USH2A: variants seen among roughly 807,000 people sequenced by gnomAD.
USH2A encodes Usher syndrome 2A (autosomal recessive, mild).
In USH2A, 443 loss-of-function variants were observed where a neutral mutation model predicts 538.9. The ratio of observed to expected loss-of-function variants is 0.82; its 90% CI spans 0.76 to 0.89. USH2A has a LOEUF of 0.89. Ranked by LOEUF, USH2A falls within the 40% of genes least tolerant of loss-of-function variation. The pLI is 0.00. For missense variants in USH2A, 6,633 were observed against 6,324.8 expected, an observed-to-expected ratio of 1.05 and a Z score of -1.65; for synonymous variants, 2,413 against 2,273.5, an observed-to-expected ratio of 1.06 and a Z score of -1.75.
intron 21 of USH2A, among the ~76,000 whole-genome samples, chr1:216,126,019 T>C (rs1226102903): frequency 6.6e-6 from 1 of 152,228 alleles, no homozygotes; most frequent in Non-Finnish European, 1.5e-5. Context: ...TTCAAAAATG[T>C]GTTTTAATGC....
At position 216,196,659 on chromosome 1, in the gene USH2A, C is replaced by T. The variant is rs1238915956; in HGVS notation, c.4145G>A (p.Trp1382Ter). 6.2e-7 allele frequency: 1 copy of T among 1,613,486 alleles called. No homozygotes were observed. The highest frequency in any genetic ancestry group is 1.1e-5 in the South Asian group (1 of 91,060). ...TGTAACATTATCTGCTGGCTTCTCC[C>T]AGGAGATATTGAGAGAGTACGAAGA... is the stretch of plus-strand genomic sequence containing the variant. ...PLSSYSLNIS[W>*]EKPADNVTRG... Residue 1382 changes from tryptophan to a stop codon, truncating the protein, a stop_gained, in exon 19 of 72, where the codon TGG (tryptophan) becomes TAG (stop). Coordinates refer to ENST00000307340, the MANE Select transcript of USH2A (RefSeq NM_206933.4). LOFTEE classifies it high-confidence loss of function.
At chr1:216,421,821 T>G in intron 2 of USH2A, 31 bp downstream of exon 2, 1 of 1,613,750 alleles carries the variant, frequency 6.2e-7, no homozygotes, top group Non-Finnish European at 8.5e-7. Flanking sequence ...TTTGGGGACC[T>G]ATGAAAGCTT....
chr1:215,853,152 C>G (rs1217917600), intron 44 of USH2A, among the ~76,000 whole-genome samples: 1 of 152,192 alleles, frequency 6.6e-6, no homozygotes, highest in Non-Finnish European at 1.5e-5. Flanking sequence ...TCCATACATA[C>G]TTTAAAATCT....
chr1:216,134,341 A>G (rs540443402), intron 21 of USH2A, among the ~76,000 whole-genome samples: 1 of 152,236 alleles, frequency 6.6e-6, no homozygotes, highest in Non-Finnish European at 1.5e-5. Flanking sequence ...CCCAATACAC[A>G]TGGTGAAGAC....
chr1:215,641,737 C>A (rs962501570), intron 67 of USH2A, among the ~76,000 whole-genome samples: 117 of 152,214 alleles, frequency 7.7e-4, no homozygotes, highest in Middle Eastern at 3.4e-3. Context: ...CTTTAAAAAT[C>A]AATCCATCTA....
intron 21 of USH2A, among the ~76,000 whole-genome samples, chr1:216,146,737 A>G (rs1216810604): frequency 6.6e-6 from 1 of 152,064 alleles, no homozygotes; most frequent in Non-Finnish European, 1.5e-5. Context: ...CTGGAGGGCA[A>G]GAACCCCACT....
intron 11 of USH2A, among the ~76,000 whole-genome samples, chr1:216,256,873 C>A (rs1384668333): frequency 7.2e-5 from 11 of 152,046 alleles, no homozygotes; most frequent in African/African-American, 2.6e-4. Context: ...TTTGGAGAGT[C>A]AAAATTAAAC....
At chr1:216,057,266 T>C (rs1298142075) in intron 30 of USH2A, among the ~76,000 whole-genome samples, 1 of 152,240 alleles carries the variant, frequency 6.6e-6, no homozygotes, top group Non-Finnish European at 1.5e-5. Context: ...GAAATCTTTC[T>C]ACATTAGCTA....
intron 32 of USH2A, among the ~76,000 whole-genome samples, chr1:216,001,192 G>A (rs1339025611): frequency 6.6e-6 from 1 of 152,100 alleles, no homozygotes; most frequent in Admixed American, 6.6e-5. Context: ...ACTGTGTCAT[G>A]ACTATATGAT....
intron 3 of USH2A, among the ~76,000 whole-genome samples, chr1:216,386,203 A>T (rs2039000958): frequency 6.6e-6 from 1 of 152,284 alleles, no homozygotes; most frequent in East Asian, 1.9e-4. Flanking sequence ...TATTAAAAAG[A>T]ATAGTCATTT....
chr1:215,711,948 C>G (rs1659348022), intron 61 of USH2A, among the ~76,000 whole-genome samples: 1 of 152,164 alleles, frequency 6.6e-6, no homozygotes, highest in Non-Finnish European at 1.5e-5. Flanking sequence ...CCACAGGGAC[C>G]TGGATACACA....
intron 21 of USH2A, among the ~76,000 whole-genome samples, chr1:216,148,582 C>G (rs867933288): frequency 2.6e-5 from 4 of 151,752 alleles, no homozygotes; most frequent in Non-Finnish European, 5.9e-5. Flanking sequence ...CTGTTATCAC[C>G]CGCCTGCTAC....
chr1:216,162,247 C>G (rs2034073336), intron 21 of USH2A, among the ~76,000 whole-genome samples: 1 of 151,868 alleles, frequency 6.6e-6, no homozygotes, highest in South Asian at 2.1e-4. Context: ...CCGTTGAGTT[C>G]TCTAATCTTG....
chr1:215,898,613 C>T (rs899427263), intron 40 of USH2A, among the ~76,000 whole-genome samples: 2 of 152,124 alleles, frequency 1.3e-5, no homozygotes, highest in African/African-American at 4.8e-5. Context: ...TCCCTTCTTC[C>T]AAGCATTCTA....
chr1:215,983,763 A>ACAAAGATGG (rs1466928958), intron 35 of USH2A, among the ~76,000 whole-genome samples: 1 of 152,208 alleles, frequency 6.6e-6, no homozygotes, highest in African/African-American at 2.4e-5. Context: ...ACTCCTATTT[A>ACAAAGATGG]CAAAGATGCG....
chr1:216,218,862 T>C (rs1442384514), intron 14 of USH2A, among the ~76,000 whole-genome samples: 1 of 152,110 alleles, frequency 6.6e-6, no homozygotes, highest in African/African-American at 2.4e-5. Context: ...TAAAATGGAA[T>C]TATAGATGCA....
chr1:215,900,059 T>C lies in USH2A; in HGVS notation c.7594+16A>G, dbSNP rs1470171401. The C allele has an allele frequency of 6.2e-7, 1 of 1,613,400 alleles. No individual in the cohort carries two copies. Among genetic ancestry groups the C allele is most frequent in the African/African-American group, 1.3e-5 (1 of 74,866 alleles). On this transcript the variant is annotated intron_variant, in intron 40 of 71. Coordinates refer to ENST00000307340, the MANE Select transcript of USH2A (RefSeq NM_206933.4). Reference sequence around the variant, plus strand: ...ATGTAGAAGACATTTGGCTGTGTATTGTTCAGACCACTTACTGTCCTCTGC... The same window carrying C: ...ATGTAGAAGACATTTGGCTGTGTATCGTTCAGACCACTTACTGTCCTCTGC...
At chr1:216,063,869 A>G (rs2031262546) in intron 30 of USH2A, among the ~76,000 whole-genome samples, 1 of 152,232 alleles carries the variant, frequency 6.6e-6, no homozygotes, top group African/African-American at 2.4e-5. Flanking sequence ...ATTTCTGGTC[A>G]CAAAACATCA....
Position 216,051,222 on chromosome 1 carries a change from G to A in USH2A, c.6050-2575C>T, listed in dbSNP as rs538953373. On this transcript the variant is annotated intron_variant, in intron 30 of 71. Coordinates refer to ENST00000307340, the MANE Select transcript of USH2A (RefSeq NM_206933.4). ...TCTACAGACTTCACATCTCTCCCAA[G>A]CCCTGGTTCTGGGTTTCTATCTGCA... Among the ~76,000 whole-genome samples the A allele has an allele frequency of 3.9e-5, 6 of 152,138 alleles. No individual in the cohort carries two copies. In the South Asian group the frequency reaches 1.2e-3, roughly 32 times the overall value.
Sources: gnomAD v4.1 joint callset for allele counts (sites outside exome capture counted in the v4.1 genomes callset) on GRCh38, gnomAD v4.1.1 for gene constraint, MANE v1.5 for transcripts, NCBI Gene and HGNC (gene_info 2026-07-23, HGNC 2026-07-21) for gene names.